Variants in ADSS1 observed in about 807,000 individuals in gnomAD.
ADSS1 encodes the protein adenylosuccinate synthetase isozyme 1.
In ADSS1, 57 loss-of-function variants were observed where a neutral mutation model predicts 59.1. The ratio of observed to expected loss-of-function variants is 0.97; its 90% CI spans 0.78 to 1.20. The LOEUF is 1.20. ADSS1 is among the 50% of genes most tolerant of loss of function. The pLI, the probability that ADSS1 is intolerant of heterozygous loss-of-function variation, is 0.00. For synonymous variants in ADSS1, 247 were observed against 249.4 expected (o/e 0.99, Z 0.09); for missense variants, 603 against 610.3 (o/e 0.99, Z 0.13).
chr14:104,735,208 CAGAGCCTGGTGATGACTG>C, intron 2 of ADSS1, 86 bp downstream of exon 2: 10 of 1,264,402 alleles, frequency 7.9e-6, no homozygotes, highest in Non-Finnish European at 1.1e-5. Flanking sequence ...CACGGGGCAC[CAGAGCCTGGTGATGACTG>C]CTCTAGCAGT....
chr14:104,732,645 G>A (rs539214583), intron 1 of ADSS1, among the ~76,000 whole-genome samples: 1 of 152,334 alleles, frequency 6.6e-6, no homozygotes, highest in South Asian at 2.1e-4. Context: ...GCCTGTTGAC[G>A]TGGGCACTGG....
chr14:104,725,491 T>C (rs952650720), intron 1 of ADSS1, among the ~76,000 whole-genome samples: 3 of 150,134 alleles, frequency 2.0e-5, no homozygotes, highest in African/African-American at 7.4e-5. Context: ...ACGAAGGGAG[T>C]CAGCCCAGCA....
chr14:104,726,997 C>G (rs1298203168), intron 1 of ADSS1, among the ~76,000 whole-genome samples: 8 of 152,228 alleles, frequency 5.3e-5, no homozygotes, highest in Admixed American at 1.3e-4. Context: ...GACGCCTGCA[C>G]CAGCAGAGCC....
At chr14:104,732,449 T>C (rs1595198220) in intron 1 of ADSS1, among the ~76,000 whole-genome samples, 1 of 152,182 alleles carries the variant, frequency 6.6e-6, no homozygotes, top group Admixed American at 6.5e-5. Context: ...TCCCCAGAAC[T>C]GGGAGCCCCT....
intron 7 of ADSS1, 59 bp from the exon 8 acceptor site, chr14:104,741,058 C>T (rs978232467): frequency 3.7e-5 from 58 of 1,583,362 alleles, no homozygotes; most frequent in Admixed American, 1.5e-4. Flanking sequence ...CTTCTTGGGA[C>T]GCAGGCCTCC....
At chr14:104,732,559 G>A (rs1016975952) in intron 1 of ADSS1, among the ~76,000 whole-genome samples, 31 of 152,330 alleles carry the variant, frequency 2.0e-4, no homozygotes, top group Middle Eastern at 3.4e-3. Context: ...ACTGGCCTAC[G>A]ACAAGCCGCG....
At chr14:104,727,964 C>T (rs143914566) in intron 1 of ADSS1, among the ~76,000 whole-genome samples, 1 of 152,358 alleles carries the variant, frequency 6.6e-6, no homozygotes, top group East Asian at 1.9e-4. Flanking sequence ...CTCCATAGCG[C>T]ACTCCCAGCC....
Position 104,739,645 on chromosome 14 carries a change from C to G in ADSS1, c.410-105C>G, listed in dbSNP as rs781174578. The G allele has an allele frequency of 2.3e-6, 3 of 1,297,270 alleles. No individual in the cohort carries two copies. The East Asian group carries it at 7.1e-5, about 31-fold the overall frequency. 80.4% of individuals were successfully genotyped at this position (1,297,270 alleles called of 1,614,324 possible). A position where few individuals can be genotyped will look rare whatever the true frequency, so the allele number is the denominator to read the frequency against. On this transcript the variant is annotated intron_variant, in intron 4 of 12. Coordinates refer to ENST00000330877, the MANE Select transcript of ADSS1 (RefSeq NM_152328.5). ...TGTCCTCTTTGAAATCTCAACCACC[C>G]CCTTCCCAGGAGACTCAGGCCAGCA...
chr14:104,725,731 T>C (rs1890700690), intron 1 of ADSS1, among the ~76,000 whole-genome samples: 1 of 152,176 alleles, frequency 6.6e-6, no homozygotes, highest in Admixed American at 6.5e-5. Flanking sequence ...CCAGGGGGCA[T>C]GTCCAGCGCT....
In ADSS1 at chr14:104,740,675, A is replaced by G; in HGVS notation, c.551A>G (p.Asp184Gly). The G allele has an allele frequency of 6.2e-7, 1 of 1,613,044 alleles. No individual in the cohort carries two copies. Among genetic ancestry groups the G allele is most frequent in the South Asian group, 1.1e-5 (1 of 91,010 alleles). ...GCCCGGACAGGCCTCCGCATCTGCG[A>G]CCTCCTGTCAGATTTTGATGAGTTT... ...KAARTGLRIC[D>G]LLSDFDEFSS... Residue 184 changes from aspartate (D) to glycine (G), a missense_variant, in exon 6 of 13, where the codon GAC becomes GGC. By Grantham distance (94) the Asp-to-Gly change is moderately conservative (BLOSUM62 -1). Transcript: ENST00000330877. This position sits in a 1 kb window ranked among gnomAD's most constrained non-coding sequence, Gnocchi z 4.8.
intron 12 of ADSS1, among the ~76,000 whole-genome samples, chr14:104,746,599 G>T (rs1332067629): frequency 1.3e-5 from 2 of 152,202 alleles, no homozygotes; most frequent in Admixed American, 6.5e-5. Context: ...CTGCCTCTCC[G>T]CATCCAGAAC....
intron 1 of ADSS1, 124 bp downstream of exon 1, chr14:104,724,586 GA>G: frequency 8.2e-7 from 1 of 1,214,764 alleles, no homozygotes; most frequent in Non-Finnish European, 1.0e-6. Flanking sequence ...TTCCTTCCGG[GA>G]GCACCTTTCC....
At chr14:104,729,554 C>T (rs1194990891) in intron 1 of ADSS1, among the ~76,000 whole-genome samples, 3 of 97,240 alleles carry the variant, frequency 3.1e-5, no homozygotes, top group African/African-American at 9.9e-5. Flanking sequence ...AGCGTGGCGT[C>T]GGCGTGGTGG....
chr14:104,732,539 T>G (rs1002276853), intron 1 of ADSS1, among the ~76,000 whole-genome samples: 2 of 152,172 alleles, frequency 1.3e-5, no homozygotes, highest in African/African-American at 2.4e-5. Flanking sequence ...CCTGCGGTCA[T>G]TGGACACCCA....
intron 1 of ADSS1, among the ~76,000 whole-genome samples, chr14:104,725,014 G>A (rs1013551869): frequency 1.3e-5 from 2 of 152,190 alleles, no homozygotes; most frequent in Non-Finnish European, 2.9e-5. Context: ...AGGGGGCCAG[G>A]CCGTCCTGGG....
chr14:104,731,711 T>C (rs1398768146), intron 1 of ADSS1, among the ~76,000 whole-genome samples: 1 of 152,228 alleles, frequency 6.6e-6, no homozygotes, highest in South Asian at 2.1e-4. Context: ...TGAGCAGGGC[T>C]GTCCCGTGGC....
In ADSS1 at chr14:104,739,560, C is replaced by T; in HGVS notation, c.409+182C>T. 3.3e-6 allele frequency: 3 copies of T among 899,120 alleles called. No homozygotes were observed. In the East Asian group the frequency reaches 8.0e-5, roughly 24 times the overall value. 55.7% of individuals were successfully genotyped at this position (899,120 alleles called of 1,614,324 possible). A position where few individuals can be genotyped will look rare whatever the true frequency, so the allele number is the denominator to read the frequency against. On this transcript the variant is annotated intron_variant, in intron 4 of 12. Coordinates refer to ENST00000330877, the MANE Select transcript of ADSS1 (RefSeq NM_152328.5). ...TCAAGTTGGGAGCTGGGTCAGGGGT[C>T]ACTAGCCCATTTGCAGGTGGGGAGA...
At chr14:104,737,765 G>T (rs143249517) in intron 2 of ADSS1, 1 of 152,150 alleles carries the variant, frequency 6.6e-6, no homozygotes, top group East Asian at 1.9e-4. Context: ...TCATATAAGC[G>T]GAATCATCCT....
In ADSS1 at chr14:104,735,079, G is replaced by A. The variant is rs774276997; in HGVS notation, c.252G>A (p.Leu84=). 5 of 1,613,258 alleles carry A rather than the reference G, an allele frequency of 3.1e-6. No individual in the cohort carries two copies. Among genetic ancestry groups the A allele is most frequent in the Non-Finnish European group, 4.2e-6 (5 of 1,179,662 alleles). ...ATGGGAAAGAGTACGACTTCCACCT[G>A]CTGCCCAGCGGCATCATCAACACCA... ...VVDGKEYDFH[L]LPSGIINTKA... The change falls in exon 2 of 13, where the codon CTG becomes CTA. Residue 84 remains leucine (L), a synonymous_variant. Transcript: ENST00000330877.
Sources: gnomAD v4.1 joint callset for allele counts (sites outside exome capture counted in the v4.1 genomes callset) on GRCh38, gnomAD v4.1.1 for gene constraint, Gnocchi (gnomAD v3.1) non-coding constraint, MANE v1.5 for transcripts, NCBI Gene and HGNC (gene_info 2026-07-23, HGNC 2026-07-21) for gene names.